HDAC4: variants seen among roughly 807,000 people sequenced by gnomAD.
HDAC4 encodes histone deacetylase A.
HDAC4 carries 16 observed loss-of-function variants against 135.1 expected under a neutral mutation model. That is an observed-to-expected ratio of 0.12 (90% confidence interval 0.08 to 0.18). HDAC4 has a LOEUF of 0.18. HDAC4 is among the 10% of genes least tolerant of loss of function. The probability of loss-of-function intolerance (pLI) is 1.00; values close to 1 mark genes in which losing one functional copy is unlikely to be tolerated. For synonymous variants in HDAC4, 685 were observed against 653.4 expected (o/e 1.05, Z -0.74); for missense variants, 1,143 against 1,511.8 (o/e 0.76, Z 4.05).
At chr2:239,096,878 G>A (rs1044405302) in intron 16 of HDAC4, among the ~76,000 whole-genome samples, 1 of 152,152 alleles carries the variant, frequency 6.6e-6, no homozygotes, top group African/African-American at 2.4e-5. Context: ...ATCAAGGCCG[G>A]AGGCTTGTAG....
intron 17 of HDAC4, among the ~76,000 whole-genome samples, chr2:239,090,333 G>C (rs1319034359): frequency 1.3e-5 from 2 of 151,880 alleles, no homozygotes; most frequent in African/African-American, 4.8e-5. Context: ...CCAGAAGAAA[G>C]ATGCATGTGT....
At chr2:239,208,042 G>A (rs1339359889) in intron 3 of HDAC4, among the ~76,000 whole-genome samples, 1 of 152,050 alleles carries the variant, frequency 6.6e-6, no homozygotes, top group Non-Finnish European at 1.5e-5. Context: ...ACAAGAAAAG[G>A]CCGGGCGCGG....
chr2:239,173,565 C>G (rs988996954), intron 5 of HDAC4, among the ~76,000 whole-genome samples: 2 of 152,106 alleles, frequency 1.3e-5, no homozygotes, highest in African/African-American at 2.4e-5. Context: ...ATACAAAGCC[C>G]CTACAGAAAA....
At chr2:239,394,653 T>C (rs1696447795) in intron 1 of HDAC4, among the ~76,000 whole-genome samples, 1 of 152,196 alleles carries the variant, frequency 6.6e-6, no homozygotes. Context: ...AGTTCCCAGA[T>C]GGGGGCAGGG....
At chr2:239,103,019 A>G in intron 15 of HDAC4, 123 bp from the exon 16 acceptor site, 1 of 1,212,156 alleles carries the variant, frequency 8.2e-7, no homozygotes, top group Non-Finnish European at 1.2e-6. Context: ...AAAAACAAGC[A>G]TGTTATTTGG....
chr2:239,218,656 G>C (rs2153115418), intron 3 of HDAC4, among the ~76,000 whole-genome samples: 1 of 149,080 alleles, frequency 6.7e-6, no homozygotes, highest in African/African-American at 2.5e-5. Context: ...CACAGCAAAA[G>C]AAACTACCAT....
At chr2:239,079,833 C>T (rs1344891860) in intron 22 of HDAC4, among the ~76,000 whole-genome samples, 1 of 136,266 alleles carries the variant, frequency 7.3e-6, no homozygotes, top group Non-Finnish European at 1.6e-5. Context: ...TGTGCACACA[C>T]AGCGATATAC....
chr2:239,321,035 T>G (rs916490239), intron 2 of HDAC4, among the ~76,000 whole-genome samples: 1 of 152,230 alleles, frequency 6.6e-6, no homozygotes, highest in East Asian at 1.9e-4. Context: ...AATAACTACA[T>G]AATGTACTGT....
chr2:239,077,856 C>A (rs2034921398), intron 22 of HDAC4, among the ~76,000 whole-genome samples: 1 of 152,212 alleles, frequency 6.6e-6, no homozygotes, highest in Non-Finnish European at 1.5e-5. Context: ...CATTCAAGAG[C>A]CTCAGCCTTC....
At chr2:239,334,698 T>C (rs1380334387) in intron 2 of HDAC4, among the ~76,000 whole-genome samples, 1 of 151,938 alleles carries the variant, frequency 6.6e-6, no homozygotes, top group East Asian at 1.9e-4. Flanking sequence ...CCACAGCAGG[T>C]ATTCTGTTGA....
intron 2 of HDAC4, among the ~76,000 whole-genome samples, chr2:239,298,929 C>T (rs1162029150): frequency 1.6e-5 from 2 of 127,960 alleles, no homozygotes; most frequent in Admixed American, 9.9e-5. Context: ...AGTGCGGTGG[C>T]GCCATCTCGG....
At position 239,139,747 on chromosome 2, in the gene HDAC4, G is replaced by A. The variant is rs755058107; in HGVS notation, c.915C>T (p.Asn305=). ...TCTCCGCGCTGACGCTCCCGGAGCTGTTGTTGGGTGAGCTGGGTCCGGAGC... is the reference window on the plus strand; with the variant it reads ...TCTCCGCGCTGACGCTCCCGGAGCTATTGTTGGGTGAGCTGGGTCCGGAGC... ...APGSGPSSPN[N]SSGSVSAENG... The change falls in exon 9 of 27, where the codon AAC becomes AAT. Residue 305 remains asparagine (N), a synonymous_variant. Coordinates refer to ENST00000543185, the MANE Select transcript of HDAC4 (RefSeq NM_001378414.1). This position sits in a 1 kb window ranked among gnomAD's most constrained non-coding sequence, Gnocchi z 5.3. 1.9e-6 allele frequency: 3 copies of A among 1,614,140 alleles called. No homozygotes were observed. The Admixed American group carries it at 5.0e-5, about 27-fold the overall frequency.
intron 3 of HDAC4, among the ~76,000 whole-genome samples, chr2:239,203,877 C>G (rs1384031039): frequency 6.6e-6 from 1 of 152,160 alleles, no homozygotes; most frequent in Non-Finnish European, 1.5e-5. Flanking sequence ...AGAAACACTC[C>G]CGCTTCATAA....
intron 3 of HDAC4, among the ~76,000 whole-genome samples, chr2:239,219,782 A>C (rs576374072): frequency 6.6e-6 from 1 of 152,376 alleles, no homozygotes; most frequent in South Asian, 2.1e-4. Context: ...AATATCAAAC[A>C]TATTTGACCA....
chr2:239,077,394 G>A (rs1034483209), intron 22 of HDAC4, among the ~76,000 whole-genome samples: 1 of 152,236 alleles, frequency 6.6e-6, no homozygotes, highest in African/African-American at 2.4e-5. Flanking sequence ...GTCCCCTGAG[G>A]TCTTACCGGG....
chr2:239,258,984 G>A (rs539910883), intron 2 of HDAC4, among the ~76,000 whole-genome samples: 5 of 152,326 alleles, frequency 3.3e-5, no homozygotes, highest in Non-Finnish European at 4.4e-5. Flanking sequence ...GGAAAAATAT[G>A]TACCTTGCAA....
chr2:239,392,755 G>A (rs552995798), intron 1 of HDAC4, among the ~76,000 whole-genome samples: 1 of 152,334 alleles, frequency 6.6e-6, no homozygotes, highest in African/African-American at 2.4e-5. Context: ...CCACAGGGAG[G>A]ACTGAGGCTC....
At chr2:239,380,809 T>G (rs745444196) in intron 1 of HDAC4, among the ~76,000 whole-genome samples, 3 of 152,146 alleles carry the variant, frequency 2.0e-5, no homozygotes, top group Non-Finnish European at 2.9e-5. Flanking sequence ...TGTCCCCAAC[T>G]TCAGAGGCAT....
intron 2 of HDAC4, among the ~76,000 whole-genome samples, chr2:239,289,541 C>T (rs1024423888): frequency 2.6e-5 from 4 of 152,180 alleles, no homozygotes; most frequent in Non-Finnish European, 5.9e-5. Flanking sequence ...AAGTGCCCAG[C>T]ACCAGGCCAA....
Sources: gnomAD v4.1 joint callset for allele counts (sites outside exome capture counted in the v4.1 genomes callset) on GRCh38, gnomAD v4.1.1 for gene constraint, Gnocchi (gnomAD v3.1) non-coding constraint, MANE v1.5 for transcripts, NCBI Gene and HGNC (gene_info 2026-07-23, HGNC 2026-07-21) for gene names.